PLPBP: variants seen among roughly 807,000 people sequenced by gnomAD.
The protein encoded by PLPBP is pyridoxal phosphate binding protein.
PLPBP carries 21 observed loss-of-function variants against 31.2 expected under a neutral mutation model. That is an observed-to-expected ratio of 0.67 (90% confidence interval 0.48 to 0.97). The LOEUF is 0.97. PLPBP is among the 50% of genes least tolerant of loss of function. PLPBP has a pLI of 0.00. For missense variants in PLPBP, 308 were observed against 354.4 expected (o/e 0.87, Z 1.05); for synonymous variants, 124 against 135.6 (o/e 0.91, Z 0.59).
In PLPBP at chr8:37,778,336, A is replaced by G. The variant is rs757078990; in HGVS notation, c.*232A>G. ...TTTCTGCAGAACAGATACCAAATCAATAGCTAGGAATCATGTTCAATATTG... is the reference window on the plus strand; with the variant it reads ...TTTCTGCAGAACAGATACCAAATCAGTAGCTAGGAATCATGTTCAATATTG... On this transcript the variant is annotated 3_prime_UTR_variant, in exon 8 of 8. Transcript: ENST00000328195. 5.9e-6 allele frequency: 2 copies of G among 338,970 alleles called. No homozygotes were observed. The highest frequency in any genetic ancestry group is 2.1e-5 in the African/African-American group (1 of 47,778). 21.0% of individuals were successfully genotyped at this position (338,970 alleles called of 1,614,324 possible).
intron 5 of PLPBP, among the ~76,000 whole-genome samples, chr8:37,774,459 C>A (rs574766029): frequency 6.6e-6 from 1 of 152,290 alleles, no homozygotes; most frequent in Admixed American, 6.5e-5. Context: ...GTGGTTAGGA[C>A]TGAATATGAT....
At chr8:37,767,355 C>A (rs1311690821) in intron 4 of PLPBP, among the ~76,000 whole-genome samples, 1 of 152,194 alleles carries the variant, frequency 6.6e-6, no homozygotes, top group African/African-American at 2.4e-5. Flanking sequence ...TGTCCCACTT[C>A]TCTTCCTCAA....
At chr8:37,773,092 A>G (rs1228120776) in intron 5 of PLPBP, among the ~76,000 whole-genome samples, 2 of 152,058 alleles carry the variant, frequency 1.3e-5, no homozygotes, top group Non-Finnish European at 2.9e-5. Context: ...TTACTACATC[A>G]TGGTTCATTA....
At chr8:37,772,285 C>A (rs1034199501) in intron 4 of PLPBP, among the ~76,000 whole-genome samples, 2 of 152,278 alleles carry the variant, frequency 1.3e-5, no homozygotes, top group East Asian at 3.9e-4. Flanking sequence ...AGCCACCACA[C>A]CTGGCCAGTG....
chr8:37,770,619 C>G (rs1803745488), intron 4 of PLPBP, among the ~76,000 whole-genome samples: 1 of 152,174 alleles, frequency 6.6e-6, no homozygotes, highest in South Asian at 2.1e-4. Context: ...CACTCTGCAC[C>G]CAGACTGGAA....
chr8:37,774,210 CA>C (rs34779193), intron 5 of PLPBP, among the ~76,000 whole-genome samples: 5 of 149,940 alleles, frequency 3.3e-5, no homozygotes, highest in Non-Finnish European at 7.4e-5. Context: ...GACTCCATCT[CA>C]AAAAAAAATA....
chr8:37,767,632 A>C (rs891347052), intron 4 of PLPBP, among the ~76,000 whole-genome samples: 2 of 152,130 alleles, frequency 1.3e-5, no homozygotes, highest in African/African-American at 4.8e-5. Context: ...GTTGCAAATA[A>C]GTTGCTATGA....
chr8:37,765,540 C>G lies in PLPBP; in HGVS notation c.114C>G (p.Ile38Met). The change falls in exon 2 of 8, where the codon ATC (isoleucine) becomes ATG (methionine). Residue 38 changes from isoleucine (I) to methionine (M), a missense_variant. Ile to Met is a conservative substitution (Grantham distance 10). Around this residue, in one of 2 missense-constraint regions of PLPBP, gnomAD observed 120 missense variants for 95.1 expected, o/e 1.26. Coordinates refer to ENST00000328195, the MANE Select transcript of PLPBP (RefSeq NM_007198.4). ...VARRPRDLPA[I>M]QPRLVAVSKT... ...CCTCTTGGCAGGATCTCCCAGCCATCCAGCCCCGGCTAGTGGCGGTCAGCA... is the reference window on the plus strand; with the variant it reads ...CCTCTTGGCAGGATCTCCCAGCCATGCAGCCCCGGCTAGTGGCGGTCAGCA... 6.2e-7 allele frequency: 1 copy of G among 1,613,958 alleles called. No homozygotes were observed. Among genetic ancestry groups the G allele is most frequent in the Non-Finnish European group, 8.5e-7 (1 of 1,179,956 alleles).
chr8:37,765,634 G>C lies in PLPBP; in HGVS notation c.207+1G>C, dbSNP rs767795673. 1.2e-6 allele frequency: 2 copies of C among 1,614,196 alleles called. No individual in the cohort carries two copies. The highest frequency in any genetic ancestry group is 1.7e-6 in the Non-Finnish European group (2 of 1,180,024). On this transcript the variant is annotated splice_donor_variant, in intron 2 of 7. Coordinates refer to ENST00000328195, the MANE Select transcript of PLPBP (RefSeq NM_007198.4). LOFTEE classifies it high-confidence loss of function. ...GCAGCGCACTTTTGGCGAGAACTAC[G>C]TAAGAGCCCTTTCCTGAAGCCCTTT...
At position 37,778,628 on chromosome 8, in the gene PLPBP, A is replaced by G. The variant is rs1803979390; in HGVS notation, c.*524A>G. ...CCAACTGTGGAATGGCAGTGTAGGT[A>G]GCTTCAGGAAATGGCTCAGGTTAAT... On this transcript the variant is annotated 3_prime_UTR_variant, in exon 8 of 8. Coordinates refer to ENST00000328195, the MANE Select transcript of PLPBP (RefSeq NM_007198.4). 6.6e-6 allele frequency: 1 copy of G among 152,392 alleles called. No homozygotes were observed. The highest frequency in any genetic ancestry group is 2.4e-5 in the African/African-American group (1 of 41,422). The allele number at this position is 152,392 out of a possible 1,614,324, so 9.4% of individuals were successfully genotyped here.
intron 7 of PLPBP, among the ~76,000 whole-genome samples, chr8:37,777,095 A>G (rs1452486231): frequency 6.6e-6 from 1 of 151,906 alleles, no homozygotes; most frequent in Non-Finnish European, 1.5e-5. Context: ...TAGATTCACC[A>G]ACAATCTTAT....
chr8:37,772,471 A>G (rs1017968984), intron 4 of PLPBP, among the ~76,000 whole-genome samples: 1 of 152,226 alleles, frequency 6.6e-6, no homozygotes, highest in East Asian at 1.9e-4. Context: ...TTTTACTAGG[A>G]ATCTGTCCGT....
At chr8:37,775,536 G>A (rs1373277903) in intron 6 of PLPBP, 55 bp downstream of exon 6, 4 of 1,607,532 alleles carry the variant, frequency 2.5e-6, no homozygotes, top group African/African-American at 1.3e-5. Context: ...GTGCTGGAGT[G>A]CTATTGCAGG....
intron 5 of PLPBP, among the ~76,000 whole-genome samples, chr8:37,774,246 A>G (rs761573311): frequency 2.0e-5 from 3 of 152,190 alleles, no homozygotes; most frequent in Non-Finnish European, 4.4e-5. Flanking sequence ...TATGGTGAGC[A>G]CCAGTCAATG....
chr8:37,763,540 C>G (rs974709990), intron 1 of PLPBP, among the ~76,000 whole-genome samples: 3 of 151,996 alleles, frequency 2.0e-5, no homozygotes, highest in African/African-American at 7.3e-5. Context: ...AGTCAGGTAA[C>G]TATTCCGGCC....
At chr8:37,774,206 A>T (rs1713097737) in intron 5 of PLPBP, among the ~76,000 whole-genome samples, 1 of 152,134 alleles carries the variant, frequency 6.6e-6, no homozygotes, top group African/African-American at 2.4e-5. Context: ...GTTAGACTCC[A>T]TCTCAAAAAA....
At position 37,765,391 on chromosome 8, in the gene PLPBP, C is replaced by T. The variant is rs1295733376; in HGVS notation, c.100-135C>T. ...CCACTATTTGATATTGATCTGCCTA[C>T]AGTGTTGAAAAAATGGATCTTACCT... is the stretch of plus-strand genomic sequence containing the variant. On this transcript the variant is annotated intron_variant, in intron 1 of 7. Coordinates refer to ENST00000328195, the MANE Select transcript of PLPBP (RefSeq NM_007198.4). 6.2e-5 allele frequency: 48 copies of T among 770,982 alleles called. No individual in the cohort carries two copies. The Admixed American group carries it at 1.0e-3, about 16-fold the overall frequency. 47.8% of individuals were successfully genotyped at this position (770,982 alleles called of 1,614,324 possible). A position where few individuals can be genotyped will look rare whatever the true frequency, so the allele number is the denominator to read the frequency against.
chr8:37,773,508 C>T (rs572362011), intron 5 of PLPBP, among the ~76,000 whole-genome samples: 91 of 128,114 alleles, frequency 7.1e-4, no homozygotes, highest in African/African-American at 2.6e-3. Context: ...CTCACTCTGT[C>T]GCCAGGCTGG....
intron 5 of PLPBP, chr8:37,774,944 G>T (rs914527023): frequency 8.2e-5 from 13 of 158,118 alleles, no homozygotes; most frequent in Non-Finnish European, 1.8e-4. Flanking sequence ...TAAATTTTTT[G>T]CAACTCCATT....
Sources: allele counts gnomAD v4.1 joint callset (sites outside exome capture counted in the v4.1 genomes callset), GRCh38; gene constraint gnomAD v4.1.1; regional missense constraint gnomAD v4.1.1; transcripts MANE v1.5; gene names NCBI Gene and HGNC (gene_info 2026-07-23, HGNC 2026-07-21).